TRPM7: variants seen among roughly 807,000 people sequenced by gnomAD.
The protein encoded by TRPM7 is transient receptor potential cation channel subfamily M member 7.
A neutral mutation model predicts 229.7 loss-of-function variants in TRPM7; 134 were observed. The ratio of observed to expected loss-of-function variants is 0.58; its 90% CI spans 0.51 to 0.67. TRPM7 has a LOEUF of 0.67. TRPM7 is among the 30% of genes least tolerant of loss of function. The probability of loss-of-function intolerance (pLI) is 0.00; values close to 1 mark genes in which losing one functional copy is unlikely to be tolerated. For missense variants in TRPM7, 1,901 were observed against 2,210.0 expected, an observed-to-expected ratio of 0.86 and a Z score of 2.80; for synonymous variants, 699 against 715.2, an observed-to-expected ratio of 0.98 and a Z score of 0.36.
chr15:50,586,782 G>T (rs2059353555), intron 27 of TRPM7, among the ~76,000 whole-genome samples: 1 of 152,118 alleles, frequency 6.6e-6, no homozygotes, highest in Non-Finnish European at 1.5e-5. Context: ...ACTTTGGGAG[G>T]TCGAGGCGGG....
chr15:50,617,131 A>AAAATAAAT lies in TRPM7; in HGVS notation c.1494+2606_1494+2613dup, dbSNP rs201318883. Among the ~76,000 whole-genome samples the AAAATAAAT allele has an allele frequency of 7.3e-3, 1,009 of 137,382 alleles. 8 individuals are homozygous for AAAATAAAT. Among genetic ancestry groups the AAAATAAAT allele is most frequent in the South Asian group, 0.016 (69 of 4,202 alleles). 90.1% of individuals were successfully genotyped at this position (137,382 alleles called of 152,430 possible). A position where few individuals can be genotyped will look rare whatever the true frequency, so the allele number is the denominator to read the frequency against. ...ATGATGAAACCCCATCTCTACCAAA[A>AAAATAAAT]AAATAAATAAATAAATAAATAAATA... On this transcript the variant is annotated intron_variant, in intron 13 of 38. Transcript: ENST00000646667.
At chr15:50,671,205 TCCCCA>T (rs1003197384) in intron 1 of TRPM7, among the ~76,000 whole-genome samples, 10 of 152,192 alleles carry the variant, frequency 6.6e-5, no homozygotes, top group African/African-American at 2.2e-4. Context: ...TCCCCAGCAA[TCCCCA>T]CCCAAGTCCC....
chr15:50,591,533 G>A (rs1392930154), intron 26 of TRPM7, among the ~76,000 whole-genome samples: 1 of 135,848 alleles, frequency 7.4e-6, no homozygotes, highest in Non-Finnish European at 1.5e-5. Flanking sequence ...GTCTCATTCT[G>A]TCACACAGGC....
intron 12 of TRPM7, among the ~76,000 whole-genome samples, chr15:50,620,650 G>C (rs1000601367): frequency 2.0e-5 from 3 of 152,018 alleles, no homozygotes; most frequent in Admixed American, 6.6e-5. Flanking sequence ...TTTATTTAGG[G>C]CTGGGCGCGG....
At chr15:50,623,247 AC>A (rs1333443615) in intron 12 of TRPM7, among the ~76,000 whole-genome samples, 6 of 152,048 alleles carry the variant, frequency 3.9e-5, no homozygotes, top group African/African-American at 1.4e-4. Flanking sequence ...CCCCGACTCT[AC>A]TAAAAACACA....
In TRPM7 at chr15:50,583,177, A is replaced by C; in HGVS notation, c.4487-18T>G. 6 of 1,576,516 alleles carry C rather than the reference A, an allele frequency of 3.8e-6. No homozygotes were observed. Among genetic ancestry groups the C allele is most frequent in the Non-Finnish European group, 5.2e-6 (6 of 1,157,776 alleles). On this transcript the variant is annotated intron_variant, in intron 28 of 38. Coordinates refer to ENST00000646667, the MANE Select transcript of TRPM7 (RefSeq NM_017672.6). ...TTTTTCTGCTAAAAGAAAATTAAAA[A>C]ATATAAAAAAGCTACACAACTGAAG...
chr15:50,600,234 C>T (rs2059741018), intron 21 of TRPM7, among the ~76,000 whole-genome samples: 1 of 152,024 alleles, frequency 6.6e-6, no homozygotes, highest in South Asian at 2.1e-4. Flanking sequence ...GTCAGGAGTT[C>T]GAGACTAGCC....
chr15:50,664,254 G>A (rs1001676233), intron 1 of TRPM7, among the ~76,000 whole-genome samples: 1 of 145,556 alleles, frequency 6.9e-6, no homozygotes, highest in Non-Finnish European at 1.5e-5. Flanking sequence ...AGGTTGCAGT[G>A]AGCCGAGATC....
rs1305057623 is a variant in TRPM7, at chr15:50,561,255, T to C, written c.*423A>G. 6.4e-6 allele frequency: 1 copy of C among 157,148 alleles called. No individual in the cohort carries two copies. The highest frequency in any genetic ancestry group is 2.4e-5 in the African/African-American group (1 of 41,534). The allele number at this position is 157,148 out of a possible 1,614,324, so 9.7% of individuals were successfully genotyped here. On this transcript the variant is annotated 3_prime_UTR_variant, in exon 39 of 39. Transcript: ENST00000646667. ...ACACTGAGGAAAATTTTGACTGCCA[T>C]TTAACCAAAAGGCTGCGTGATTTCT... is the stretch of plus-strand genomic sequence containing the variant.
chr15:50,592,482 G>C lies in TRPM7; in HGVS notation c.3753C>G (p.Ala1251=). 6.2e-7 allele frequency: 1 copy of C among 1,614,072 alleles called. No homozygotes were observed. The change falls in exon 26 of 39, where the codon GCC becomes GCG. Residue 1251 remains alanine, a synonymous_variant. Transcript: ENST00000646667. The stretch of plus-strand genomic sequence containing the variant: ...CTTTGCTAGCTTCCGACGCTTTCTG[G>C]GCAGTGAGTGTTTTTAATGTATCTA... The part of the protein sequence containing the change: ...LTVDTLKTLT[A]QKASEASKVH...
At chr15:50,563,271 G>C (rs2053411663) in intron 38 of TRPM7, among the ~76,000 whole-genome samples, 2 of 152,184 alleles carry the variant, frequency 1.3e-5, no homozygotes, top group South Asian at 4.1e-4. Context: ...TAAAATATTT[G>C]CTACCTTGCC....
chr15:50,584,846 C>T lies in TRPM7; in HGVS notation c.4486+1546G>A, dbSNP rs1183386045. 2.0e-5 allele frequency among the ~76,000 whole-genome samples: 3 copies of T among 151,790 alleles called. 1 individual carries two copies. The highest frequency in any genetic ancestry group is 7.3e-5 in the African/African-American group (3 of 41,332). ...TACTGAGAATTCTTTTTCTTCCCTC[C>T]TAATCCTTCTACCATTTCTTTCTCT... On this transcript the variant is annotated intron_variant, in intron 28 of 38. Coordinates refer to ENST00000646667, the MANE Select transcript of TRPM7 (RefSeq NM_017672.6).
chr15:50,685,704 TTTC>T (rs1314500235), intron 1 of TRPM7, among the ~76,000 whole-genome samples: 2 of 152,178 alleles, frequency 1.3e-5, no homozygotes, highest in Non-Finnish European at 2.9e-5. Flanking sequence ...TGTAAATGAC[TTTC>T]TTAAGAAATC....
intron 30 of TRPM7, among the ~76,000 whole-genome samples, chr15:50,580,216 T>C (rs1226019311): frequency 2.0e-5 from 3 of 152,198 alleles, no homozygotes; most frequent in Admixed American, 6.5e-5. Flanking sequence ...AACAAGACTT[T>C]TTTTTTTATT....
intron 8 of TRPM7, 57 bp from the exon 9 acceptor site, chr15:50,633,049 A>T: frequency 6.7e-7 from 1 of 1,502,444 alleles, no homozygotes; most frequent in Non-Finnish European, 8.9e-7. Flanking sequence ...TGTAGGATCA[A>T]TATGAAGTAC....
rs368494979 is a variant in TRPM7 at position 50,643,558 on chromosome 15, A to G, written c.322-5T>C. On this transcript the variant is annotated splice_polypyrimidine_tract_variant and splice_region_variant and intron_variant, in intron 4 of 38. Coordinates refer to ENST00000646667, the MANE Select transcript of TRPM7 (RefSeq NM_017672.6). ...GTCATATGATAGCCTCACATACTAG[A>G]AAAAGATTTTAAAAGGAGAAAATAA... is the stretch of plus-strand genomic sequence containing the variant. 12 of 1,610,126 alleles carry G rather than the reference A, an allele frequency of 7.5e-6. No individual in the cohort carries two copies. The South Asian group carries it at 1.3e-4, about 18-fold the overall frequency.
rs767496458 is a variant in TRPM7 at position 50,659,960 on chromosome 15, C to T, written c.84-2141G>A. Among the ~76,000 whole-genome samples the T allele has an allele frequency of 3.9e-5, 6 of 152,162 alleles. No individual in the cohort carries two copies. The East Asian group carries it at 5.8e-4, about 15-fold the overall frequency. On this transcript the variant is annotated intron_variant, in intron 2 of 38. Coordinates refer to ENST00000646667, the MANE Select transcript of TRPM7 (RefSeq NM_017672.6). ...GATTACAGGCGTGAGCCACCACACC[C>T]GACCAACAAAATCTATTTTTTTAAT...
intron 36 of TRPM7, among the ~76,000 whole-genome samples, chr15:50,572,209 G>A (rs964164807): frequency 5.3e-5 from 8 of 152,148 alleles, no homozygotes; most frequent in Admixed American, 2.0e-4. Flanking sequence ...GGCTTGAGCC[G>A]AAGGAGTTTG....
intron 20 of TRPM7, among the ~76,000 whole-genome samples, chr15:50,606,107 G>T (rs1349255556): frequency 6.6e-6 from 1 of 152,182 alleles, no homozygotes; most frequent in Non-Finnish European, 1.5e-5. Flanking sequence ...ATGGCCAGGT[G>T]CGGTGGCTCA....
Sources: gnomAD v4.1 joint callset for allele counts (sites outside exome capture counted in the v4.1 genomes callset) on GRCh38, gnomAD v4.1.1 for gene constraint, MANE v1.5 for transcripts, NCBI Gene and HGNC (gene_info 2026-07-23, HGNC 2026-07-21) for gene names.